Variants in BNC2 observed in about 807,000 individuals in gnomAD.
BNC2 encodes basonuclin zinc finger protein 2, also known as zinc finger protein basonuclin-2.
Under a neutral mutation model 76.3 loss-of-function variants are expected in BNC2, and 20 were observed. That is an observed-to-expected ratio of 0.26 (90% CI 0.18 to 0.38). The LOEUF (loss-of-function observed/expected upper bound fraction) is 0.38. Among genes scored for constraint, BNC2 ranks in the 10% least tolerant of loss-of-function variants. The pLI is 1.00. For synonymous variants in BNC2, 582 were observed against 514.8 expected (o/e 1.13, Z -1.77); for missense variants, 1,382 against 1,399.8 (o/e 0.99, Z 0.20).
At chr9:16,523,989 C>T (rs1201887023) in intron 5 of BNC2, among the ~76,000 whole-genome samples, 1 of 152,144 alleles carries the variant, frequency 6.6e-6, no homozygotes, top group Non-Finnish European at 1.5e-5. Context: ...TATTTTACAA[C>T]TCTAACAGAT....
rs1822245703 is a variant in BNC2 at position 16,490,208 on chromosome 9, C to A, written c.670-52684G>T. 2.0e-5 allele frequency among the ~76,000 whole-genome samples: 3 copies of A among 152,164 alleles called. No homozygotes were observed. The South Asian group carries it at 6.2e-4, about 32-fold the overall frequency. Reference sequence around the variant, plus strand: ...AAAAGGTTTAATTGGACTTACAGTTCCACATGGCTGGGGAGGCCTCAGAAT... The same window carrying A: ...AAAAGGTTTAATTGGACTTACAGTTACACATGGCTGGGGAGGCCTCAGAAT... On this transcript the variant is annotated intron_variant, in intron 5 of 6. Coordinates refer to ENST00000380672, the MANE Select transcript of BNC2 (RefSeq NM_017637.6).
intron 3 of BNC2, among the ~76,000 whole-genome samples, chr9:16,595,732 G>A (rs551503138): frequency 6.6e-6 from 1 of 152,090 alleles, no homozygotes; most frequent in East Asian, 1.9e-4. Context: ...AGATTAGATG[G>A]TTTTTAAAAA....
At chr9:16,807,001 T>C (rs1039378926) in intron 1 of BNC2, among the ~76,000 whole-genome samples, 1 of 101,934 alleles carries the variant, frequency 9.8e-6, no homozygotes, top group African/African-American at 2.5e-5. Flanking sequence ...AATAGTCTAC[T>C]TTCTTCTCTT....
intron 5 of BNC2, among the ~76,000 whole-genome samples, chr9:16,487,517 C>T (rs928721751): frequency 1.3e-5 from 2 of 152,148 alleles, no homozygotes; most frequent in Non-Finnish European, 2.9e-5. Flanking sequence ...GAAAAGAGAA[C>T]ATTAAATCTT....
At chr9:16,422,158 C>T (rs991007263) in intron 6 of BNC2, among the ~76,000 whole-genome samples, 2 of 152,210 alleles carry the variant, frequency 1.3e-5, no homozygotes, top group African/African-American at 4.8e-5. Context: ...GAGATTTTCT[C>T]TTCATTTCTC....
chr9:16,799,121 T>A (rs1407483427), intron 1 of BNC2, among the ~76,000 whole-genome samples: 2 of 150,018 alleles, frequency 1.3e-5, no homozygotes, highest in African/African-American at 5.0e-5. Flanking sequence ...ATTATTTTCC[T>A]TTTTTTTTCC....
chr9:16,652,147 T>C (rs1821811148), intron 3 of BNC2, among the ~76,000 whole-genome samples: 1 of 152,202 alleles, frequency 6.6e-6, no homozygotes, highest in Non-Finnish European at 1.5e-5. Flanking sequence ...AAATCTGTTT[T>C]GGATGAGACA....
chr9:16,687,946 T>C (rs1430113407), intron 3 of BNC2, among the ~76,000 whole-genome samples: 5 of 152,216 alleles, frequency 3.3e-5, no homozygotes, highest in Non-Finnish European at 7.3e-5. Context: ...AAACTACCAG[T>C]ATGTTTCAAC....
intron 5 of BNC2, among the ~76,000 whole-genome samples, chr9:16,455,139 G>A (rs562535634): frequency 2.8e-4 from 42 of 152,246 alleles, no homozygotes; most frequent in Admixed American, 1.4e-3. Flanking sequence ...TCCAATTGTG[G>A]GCAAAAACTG....
intron 1 of BNC2, among the ~76,000 whole-genome samples, chr9:16,857,081 A>G (rs1185411315): frequency 6.6e-6 from 1 of 152,236 alleles, no homozygotes; most frequent in Non-Finnish European, 1.5e-5. Context: ...AAGTAACATT[A>G]ATGTTTTATT....
intron 3 of BNC2, among the ~76,000 whole-genome samples, chr9:16,675,959 G>T (rs1181152279): frequency 2.0e-5 from 3 of 152,084 alleles, no homozygotes; most frequent in Non-Finnish European, 4.4e-5. Flanking sequence ...CAGCTACTCA[G>T]GAGGCTGAGG....
chr9:16,527,159 G>T (rs577925294), intron 5 of BNC2, among the ~76,000 whole-genome samples: 4 of 152,170 alleles, frequency 2.6e-5, no homozygotes, highest in African/African-American at 9.7e-5. Flanking sequence ...CACATCTTCC[G>T]CATGATAGCT....
chr9:16,731,607 G>T (rs1824506087), intron 2 of BNC2, among the ~76,000 whole-genome samples: 1 of 152,136 alleles, frequency 6.6e-6, no homozygotes, highest in Admixed American at 6.5e-5. Flanking sequence ...AATCTTCCAA[G>T]AAAAGGAATG....
chr9:16,793,580 G>A (rs1038843089), intron 1 of BNC2, among the ~76,000 whole-genome samples: 3 of 151,406 alleles, frequency 2.0e-5, no homozygotes, highest in African/African-American at 7.3e-5. Flanking sequence ...GGGATTACAG[G>A]TGGGTGCCAC....
At chr9:16,839,027 C>CTAA (rs1818768437) in intron 1 of BNC2, among the ~76,000 whole-genome samples, 1 of 152,296 alleles carries the variant, frequency 6.6e-6, no homozygotes, top group African/African-American at 2.4e-5. Flanking sequence ...TAGAGGTGAG[C>CTAA]TAACAGAAGT....
intron 5 of BNC2, among the ~76,000 whole-genome samples, chr9:16,447,324 T>C (rs1459719991): frequency 6.6e-6 from 1 of 152,094 alleles, no homozygotes; most frequent in Non-Finnish European, 1.5e-5. Flanking sequence ...AAAATAAAAT[T>C]AATGTTCACA....
intron 1 of BNC2, among the ~76,000 whole-genome samples, chr9:16,749,560 T>C (rs1825121614): frequency 6.6e-6 from 1 of 151,876 alleles, no homozygotes. Context: ...ATTACCCAGG[T>C]GTGGTGGCAC....
intron 5 of BNC2, among the ~76,000 whole-genome samples, chr9:16,522,054 T>G (rs906759029): frequency 1.3e-5 from 2 of 152,084 alleles, no homozygotes; most frequent in Non-Finnish European, 2.9e-5. Flanking sequence ...CTGCTTGAGC[T>G]GAGATGATTT....
At chr9:16,529,615 C>G (rs1817915812) in intron 5 of BNC2, among the ~76,000 whole-genome samples, 1 of 152,066 alleles carries the variant, frequency 6.6e-6, no homozygotes, top group South Asian at 2.1e-4. Context: ...TTAGTCAAAA[C>G]TGCATAATAG....
Sources: gnomAD v4.1 joint callset for allele counts (sites outside exome capture counted in the v4.1 genomes callset) on GRCh38, gnomAD v4.1.1 for gene constraint, MANE v1.5 for transcripts, NCBI Gene and HGNC (gene_info 2026-07-23, HGNC 2026-07-21) for gene names.